TTLL7: variants seen among roughly 807,000 people sequenced by gnomAD.
TTLL7 encodes the protein tubulin polyglutamylase TTLL7.
Under a neutral mutation model 120.2 loss-of-function variants are expected in TTLL7, and 53 were observed. That is an observed-to-expected ratio of 0.44 (90% CI 0.35 to 0.55). The LOEUF (loss-of-function observed/expected upper bound fraction) is 0.55, where lower values mean the gene tolerates loss of function less well. Ranked by LOEUF, TTLL7 falls within the 20% of genes least tolerant of loss-of-function variation. The pLI is 0.00. For missense variants in TTLL7, 803 were observed against 1,054.7 expected, an observed-to-expected ratio of 0.76 and a Z score of 3.31; for synonymous variants, 353 against 351.7, an observed-to-expected ratio of 1.00 and a Z score of -0.04.
At chr1:83,875,323 A>C (rs538912538) in intron 20 of TTLL7, among the ~76,000 whole-genome samples, 8 of 152,058 alleles carry the variant, frequency 5.3e-5, no homozygotes, top group Non-Finnish European at 1.0e-4. Context: ...ATTTTGCTTA[A>C]CTTTATGTTT....
chr1:83,921,071 A>G lies in TTLL7; in HGVS notation c.1364+16T>C, dbSNP rs762154822. 43 of 1,601,044 alleles carry G rather than the reference A, an allele frequency of 2.7e-5. No individual in the cohort carries two copies. In the East Asian group the frequency reaches 4.9e-4, roughly 18 times the overall value. ...CTTCATTTTTTCAATCTATACAAAAATAGCAGCACAGTTACCTATAATTCC... is the reference window on the plus strand; with the variant it reads ...CTTCATTTTTTCAATCTATACAAAAGTAGCAGCACAGTTACCTATAATTCC... On this transcript the variant is annotated intron_variant, in intron 12 of 20. Transcript: ENST00000260505.
Position 83,906,421 on chromosome 1 carries a change from C to T in TTLL7, c.2035G>A (p.Asp679Asn). Residue 679 changes from aspartate to asparagine, a missense_variant, in exon 17 of 21, where the codon GAT (aspartate) becomes AAT (asparagine). Around this residue, in one of 3 missense-constraint regions of TTLL7, gnomAD observed 388 missense variants for 450.4 expected, o/e 0.86. Coordinates refer to ENST00000260505, the MANE Select transcript of TTLL7 (RefSeq NM_024686.6). ...ACAAATAAGGTCTGACTTGTTAGAT[C>T]ATCTTCTTGTTCTTTTGTTTTCAGT... ...RQLKTKEQEDDLTSQTLFVLK... is the reference protein window; with the variant it reads ...RQLKTKEQEDNLTSQTLFVLK... The T allele has an allele frequency of 6.2e-7, 1 of 1,612,230 alleles. No individual in the cohort carries two copies. The highest frequency in any genetic ancestry group is 8.5e-7 in the Non-Finnish European group (1 of 1,178,946).
intron 1 of TTLL7, chr1:83,981,231 C>A (rs1018994602): frequency 2.6e-5 from 4 of 151,794 alleles, no homozygotes; most frequent in African/African-American, 4.8e-5. Context: ...TAAAATGCAA[C>A]CCAACTATAC....
intron 20 of TTLL7, among the ~76,000 whole-genome samples, chr1:83,878,766 A>G (rs1336174368): frequency 1.3e-5 from 2 of 151,994 alleles, no homozygotes; most frequent in African/African-American, 2.4e-5. Context: ...AAAGCTCAGT[A>G]CATGAAAGGT....
intron 9 of TTLL7, 97 bp from the exon 10 acceptor site, chr1:83,929,327 A>G: frequency 1.2e-6 from 1 of 804,198 alleles, no homozygotes; most frequent in African/African-American, 1.8e-5. Flanking sequence ...GAACAACTCT[A>G]CATTAAACCT....
intron 8 of TTLL7, among the ~76,000 whole-genome samples, chr1:83,935,282 C>T (rs181750061): frequency 1.3e-5 from 2 of 151,990 alleles, no homozygotes; most frequent in Admixed American, 6.6e-5. Flanking sequence ...TGGAACAGTA[C>T]GGGCTGAGAG....
At chr1:83,887,424 G>A (rs1655058307) in intron 19 of TTLL7, 1 of 216,608 alleles carries the variant, frequency 4.6e-6, no homozygotes, top group African/African-American at 2.4e-5. Flanking sequence ...GGATAAAGAA[G>A]AACTATTCTG....
intron 1 of TTLL7, chr1:83,981,318 G>C (rs1651931639): frequency 1.3e-5 from 2 of 151,854 alleles, no homozygotes; most frequent in Non-Finnish European, 2.9e-5. Context: ...GATATATCAT[G>C]CAAGTATTTA....
chr1:83,971,199 A>G (rs1650938075), intron 1 of TTLL7, among the ~76,000 whole-genome samples: 1 of 152,042 alleles, frequency 6.6e-6, no homozygotes, highest in Admixed American at 6.6e-5. Flanking sequence ...TCCCTAAATT[A>G]TATTATTTGT....
At chr1:83,949,793 C>T (rs1648868481) in intron 4 of TTLL7, 72 bp downstream of exon 4, 12 of 1,538,302 alleles carry the variant, frequency 7.8e-6, no homozygotes, top group Non-Finnish European at 1.1e-5. Context: ...TATTAAGAAC[C>T]TATCTAAAAA....
chr1:83,974,298 A>C (rs1422187178), intron 1 of TTLL7, among the ~76,000 whole-genome samples: 2 of 152,032 alleles, frequency 1.3e-5, no homozygotes, highest in African/African-American at 4.8e-5. Flanking sequence ...CTGTCATTGA[A>C]AACTAGGAAG....
intron 15 of TTLL7, among the ~76,000 whole-genome samples, chr1:83,910,543 A>G (rs537826131): frequency 1.2e-4 from 18 of 152,120 alleles, no homozygotes; most frequent in African/African-American, 4.3e-4. Flanking sequence ...GAAGAGAGAG[A>G]GAATGTAAAA....
chr1:83,891,268 A>T (rs1655437484), intron 18 of TTLL7, among the ~76,000 whole-genome samples: 1 of 152,102 alleles, frequency 6.6e-6, no homozygotes, highest in Non-Finnish European at 1.5e-5. Flanking sequence ...GTTTACCAAA[A>T]TTTTTAATAG....
In TTLL7 at chr1:83,923,310, A is replaced by G. The variant is rs374769221; in HGVS notation, c.1143-1916T>C. Among the ~76,000 whole-genome samples the G allele has an allele frequency of 4.3e-4, 66 of 152,186 alleles. 1 individual carries two copies. The South Asian group carries it at 0.013, about 30-fold the overall frequency. On this transcript the variant is annotated intron_variant, in intron 10 of 20. Transcript: ENST00000260505. The stretch of plus-strand genomic sequence containing the variant: ...TAAAAGAAAAAGAAGACAGGAAAAG[A>G]AAATAGAAATGAAAAGAGGAATAGA...
chr1:83,915,000 T>G (rs1336791922), intron 14 of TTLL7, among the ~76,000 whole-genome samples: 1 of 152,172 alleles, frequency 6.6e-6, no homozygotes, highest in Non-Finnish European at 1.5e-5. Context: ...TTGTCACAAC[T>G]GCTCTATAAA....
At chr1:83,883,257 A>G in intron 19 of TTLL7, 121 bp from the exon 20 acceptor site, 1 of 687,274 alleles carries the variant, frequency 1.5e-6, no homozygotes, top group African/African-American at 1.8e-5. Flanking sequence ...CATTTGCAAT[A>G]ACTATGAATG....
At chr1:83,927,503 C>A (rs1160710371) in intron 10 of TTLL7, among the ~76,000 whole-genome samples, 1 of 151,984 alleles carries the variant, frequency 6.6e-6, no homozygotes, top group African/African-American at 2.4e-5. Flanking sequence ...TGAGAATGGG[C>A]AAGCTATGTG....
intron 14 of TTLL7, among the ~76,000 whole-genome samples, chr1:83,916,046 C>G (rs1190227871): frequency 6.6e-6 from 1 of 152,114 alleles, no homozygotes; most frequent in African/African-American, 2.4e-5. Context: ...GTTGGTGGGA[C>G]TGTAAACTAG....
Position 83,876,300 on chromosome 1 carries a change from A to AATATTATACT in TTLL7, c.2544-6228_2544-6219dup, listed in dbSNP as rs527618548. ...GGTCTATTTGTCTATCCTTTTTGCC[A>AATATTATACT]ATATTATACTATCTTAAATTACTTT... On this transcript the variant is annotated intron_variant, in intron 20 of 20. Coordinates refer to ENST00000260505, the MANE Select transcript of TTLL7 (RefSeq NM_024686.6). Among the ~76,000 whole-genome samples the AATATTATACT allele has an allele frequency of 2.6e-3, 394 of 151,880 alleles. 14 individuals carry two copies. Among genetic ancestry groups the AATATTATACT allele is most frequent in the Admixed American group, 0.023 (352 of 15,216 alleles).
Sources: allele counts gnomAD v4.1 joint callset (sites outside exome capture counted in the v4.1 genomes callset), GRCh38; gene constraint gnomAD v4.1.1; regional missense constraint gnomAD v4.1.1; transcripts MANE v1.5; gene names NCBI Gene and HGNC (gene_info 2026-07-23, HGNC 2026-07-21).